The following DNAAF9 variants were observed in gnomAD, a reference collection of about 807,000 sequenced individuals.
DNAAF9 encodes shulin.
DNAAF9 carries 90 observed loss-of-function variants against 167.0 expected under a neutral mutation model. That is an observed-to-expected ratio of 0.54 (90% CI 0.45 to 0.64). The LOEUF is 0.64. Among genes scored for constraint, DNAAF9 ranks in the 30% least tolerant of loss-of-function variants. The probability of loss-of-function intolerance (pLI) is 0.00; values close to 1 mark genes in which losing one functional copy is unlikely to be tolerated. For missense variants in DNAAF9, 1,315 were observed against 1,442.2 expected (o/e 0.91, Z 1.43); for synonymous variants, 491 against 508.8 (o/e 0.96, Z 0.47).
chr20:3,255,294 T>C lies in DNAAF9; in HGVS notation c.3262-10A>G, dbSNP rs367900985. 1.1e-4 allele frequency: 176 copies of C among 1,541,090 alleles called. No individual in the cohort carries two copies. The highest frequency in any genetic ancestry group is 1.5e-4 in the Non-Finnish European group (168 of 1,137,872). On this transcript the variant is annotated splice_polypyrimidine_tract_variant and intron_variant, in intron 34 of 36. Transcript: ENST00000252032. ...CTTTCCTCTGAGGCTTCTGCAGAGA[T>C]GGGGAGTGGAGGGTCAGGTCCCAGC...
intron 1 of DNAAF9, among the ~76,000 whole-genome samples, chr20:3,391,642 G>A (rs992714409): frequency 5.5e-5 from 8 of 144,810 alleles, no homozygotes; most frequent in East Asian, 2.1e-4. Flanking sequence ...GTGCAACAGC[G>A]CGATCTTGGC....
intron 3 of DNAAF9, among the ~76,000 whole-genome samples, chr20:3,377,004 G>A (rs951725616): frequency 6.6e-6 from 1 of 152,210 alleles, no homozygotes; most frequent in African/African-American, 2.4e-5. Context: ...GGGAGGCAGA[G>A]GTTGCAGTGA....
At chr20:3,339,982 GAGAT>G in intron 10 of DNAAF9, among the ~76,000 whole-genome samples, 1 of 152,228 alleles carries the variant, frequency 6.6e-6, no homozygotes, top group Non-Finnish European at 1.5e-5. Context: ...AAATTCCACT[GAGAT>G]AGCATAGACT....
At chr20:3,372,923 T>C (rs1049413869) in intron 6 of DNAAF9, among the ~76,000 whole-genome samples, 1 of 152,208 alleles carries the variant, frequency 6.6e-6, no homozygotes, top group Non-Finnish European at 1.5e-5. Flanking sequence ...ATATTACCAT[T>C]ATTAATTAAT....
At chr20:3,322,314 T>A in intron 15 of DNAAF9, 52 bp from the exon 16 acceptor site, 1 of 1,381,142 alleles carries the variant, frequency 7.2e-7, no homozygotes, top group Non-Finnish European at 1.0e-6. Context: ...TAAGTGTACT[T>A]AAATTTACAG....
At chr20:3,342,827 A>C (rs898259509) in intron 9 of DNAAF9, among the ~76,000 whole-genome samples, 12 of 152,194 alleles carry the variant, frequency 7.9e-5, no homozygotes, top group African/African-American at 2.9e-4. Context: ...CCTGCTGATC[A>C]TGACAAAAGA....
rs918439726 is a variant in DNAAF9, at chr20:3,379,896, A to G, written c.283+1483T>C. On this transcript the variant is annotated intron_variant, in intron 3 of 36. Coordinates refer to ENST00000252032, the MANE Select transcript of DNAAF9 (RefSeq NM_001009984.3). ...AACATGGTGAAACCCTGTCTCTACT[A>G]AAAATTCAAAAATTAGCTGGGCATG... is the stretch of plus-strand genomic sequence containing the variant. Among the ~76,000 whole-genome samples, 7 of 152,162 alleles carry G rather than the reference A, an allele frequency of 4.6e-5. No individual in the cohort carries two copies. The East Asian group carries it at 1.2e-3, about 25-fold the overall frequency.
At chr20:3,377,121 CTAAGA>C (rs1216161029) in intron 3 of DNAAF9, among the ~76,000 whole-genome samples, 14 of 152,116 alleles carry the variant, frequency 9.2e-5, no homozygotes, top group Non-Finnish European at 1.9e-4. Context: ...AATGTCTGGG[CTAAGA>C]TAAGCGGTTG....
chr20:3,298,449 C>T (rs1265344944), intron 21 of DNAAF9, among the ~76,000 whole-genome samples: 2 of 152,116 alleles, frequency 1.3e-5, no homozygotes, highest in Non-Finnish European at 2.9e-5. Flanking sequence ...CTTCAAGTAG[C>T]TGAGACTACA....
At chr20:3,282,849 G>A (rs966838487) in intron 27 of DNAAF9, among the ~76,000 whole-genome samples, 14 of 152,088 alleles carry the variant, frequency 9.2e-5, no homozygotes, top group East Asian at 3.8e-4. Flanking sequence ...GGCATCTTAC[G>A]GACAGGCATC....
At chr20:3,268,894 T>C (rs2068536153) in intron 30 of DNAAF9, among the ~76,000 whole-genome samples, 1 of 138,892 alleles carries the variant, frequency 7.2e-6, no homozygotes. Flanking sequence ...TATCTCTATG[T>C]TACTTTTTTT....
intron 10 of DNAAF9, 60 bp downstream of exon 10, chr20:3,340,444 A>ACCCCCC: frequency 2.2e-5 from 3 of 138,912 alleles, no homozygotes; most frequent in Non-Finnish European, 4.7e-5. Flanking sequence ...CCCCCCACCC[A>ACCCCCC]CCCCACCCCC....
At chr20:3,337,417 C>A (rs182256196) in intron 10 of DNAAF9, among the ~76,000 whole-genome samples, 431 of 150,588 alleles carry the variant, frequency 2.9e-3, no homozygotes, top group African/African-American at 1.0e-2. Flanking sequence ...GCATGTGCCA[C>A]CACGCCCAGG....
At chr20:3,288,890 T>C (rs1205524297) in intron 26 of DNAAF9, among the ~76,000 whole-genome samples, 2 of 152,298 alleles carry the variant, frequency 1.3e-5, no homozygotes, top group Non-Finnish European at 2.9e-5. Flanking sequence ...ATAACCATCA[T>C]GACCCTGAAT....
At chr20:3,360,067 T>C (rs1474349721) in intron 6 of DNAAF9, 2 of 152,286 alleles carry the variant, frequency 1.3e-5, no homozygotes, top group Admixed American at 1.3e-4. Flanking sequence ...ATACTAAAAT[T>C]GGAAGGATAC....
intron 29 of DNAAF9, among the ~76,000 whole-genome samples, chr20:3,276,960 T>C (rs1326578118): frequency 6.6e-6 from 1 of 152,108 alleles, no homozygotes; most frequent in African/African-American, 2.4e-5. Flanking sequence ...ACCCTACCCC[T>C]TCCTTCTCAG....
At chr20:3,353,471 C>A (rs897634265) in intron 7 of DNAAF9, among the ~76,000 whole-genome samples, 1 of 151,974 alleles carries the variant, frequency 6.6e-6, no homozygotes, top group Non-Finnish European at 1.5e-5. Flanking sequence ...ATTTAAAAAA[C>A]ACAAAAATTA....
At chr20:3,385,490 T>G (rs1600903976) in intron 1 of DNAAF9, among the ~76,000 whole-genome samples, 1 of 152,164 alleles carries the variant, frequency 6.6e-6, no homozygotes, top group South Asian at 2.1e-4. Context: ...TGATCATAGC[T>G]CACTGCAGTC....
At chr20:3,260,286 G>C (rs6051687) in intron 31 of DNAAF9, among the ~76,000 whole-genome samples, 86,818 of 151,694 alleles carry the variant, frequency 0.57, 24,910 homozygotes, top group Admixed American at 0.6. Flanking sequence ...TTGCAGTGAG[G>C]CGAGATTGCG....
Sources: gnomAD v4.1 joint callset for allele counts (sites outside exome capture counted in the v4.1 genomes callset) on GRCh38, gnomAD v4.1.1 for gene constraint, MANE v1.5 for transcripts, NCBI Gene and HGNC (gene_info 2026-07-23, HGNC 2026-07-21) for gene names.